The following BDP1 variants were observed in gnomAD, a reference collection of about 807,000 sequenced individuals.
BDP1 encodes BDP1 general transcription factor IIIB subunit.
A neutral mutation model predicts 266.6 loss-of-function variants in BDP1; 169 were observed. The ratio of observed to expected loss-of-function variants is 0.63; its 90% CI spans 0.56 to 0.72. BDP1 has a LOEUF of 0.72. Among genes scored for constraint, BDP1 ranks in the 30% least tolerant of loss-of-function variants. BDP1 has a pLI of 0.00. For missense variants in BDP1, 3,015 were observed against 3,053.8 expected (o/e 0.99, Z 0.30); for synonymous variants, 1,090 against 1,022.4 (o/e 1.07, Z -1.26).
downstream of BDP1, among the ~76,000 whole-genome samples, chr5:71,571,844 A>G (rs1744272060): frequency 6.6e-6 from 1 of 151,924 alleles, no homozygotes; most frequent in Admixed American, 6.6e-5. Context: ...TTGGTCTCGA[A>G]CTCCTGACCT....
rs139297723 is a variant in BDP1 at position 71,555,162 on chromosome 5, C to T, written c.7201-1724C>T. On this transcript the variant is annotated intron_variant, in intron 35 of 38. Coordinates refer to ENST00000358731, the MANE Select transcript of BDP1 (RefSeq NM_018429.3). ...GTTATACATTGAAAGTCCTTTGAGA[C>T]TTAAATTTCCTAGTTAATGTTAATA... 4.7e-4 allele frequency among the ~76,000 whole-genome samples: 72 copies of T among 152,224 alleles called. 1 individual carries two copies. Among genetic ancestry groups the T allele is most frequent in the African/African-American group, 1.7e-3 (69 of 41,536 alleles).
Position 71,478,229 on chromosome 5 carries a change from A to G in BDP1, c.1015-5613A>G, listed in dbSNP as rs539729109. Reference sequence around the variant, plus strand: ...ATGCCATTGGACTCTAGCCTGGGTAACAAGAGCAAAACTCTGTCTCAAAAA... The same window carrying G: ...ATGCCATTGGACTCTAGCCTGGGTAGCAAGAGCAAAACTCTGTCTCAAAAA... On this transcript the variant is annotated intron_variant, in intron 7 of 38. Transcript: ENST00000358731. 9.5e-4 allele frequency among the ~76,000 whole-genome samples: 145 copies of G among 152,314 alleles called. 2 individuals carry two copies. The highest frequency in any genetic ancestry group is 2.9e-3 in the African/African-American group (120 of 41,568).
chr5:71,467,041 A>G (rs1761948133), intron 5 of BDP1, among the ~76,000 whole-genome samples: 1 of 152,186 alleles, frequency 6.6e-6, no homozygotes, highest in Admixed American at 6.5e-5. Flanking sequence ...AGTAATACAT[A>G]TTGAATATCA....
chr5:71,545,504 G>A (rs1220694045), intron 32 of BDP1: 3 of 381,386 alleles, frequency 7.9e-6, no homozygotes, highest in Admixed American at 4.7e-5. Flanking sequence ...GCTAGGTTTT[G>A]TATTTTTAGT....
At position 71,455,735 on chromosome 5, in the gene BDP1, G is replaced by C. The variant is rs1434140563; in HGVS notation, c.-143G>C. On this transcript the variant is annotated 5_prime_UTR_variant, in exon 1 of 39. Coordinates refer to ENST00000358731, the MANE Select transcript of BDP1 (RefSeq NM_018429.3). ...GAGAGGAGGAGGCGGCGGCGGGGCA[G>C]TGAAACTACGGTAGCTGCCCCCTGA... The C allele has an allele frequency of 1.4e-6, 1 of 703,130 alleles. No individual in the cohort carries two copies. The highest frequency in any genetic ancestry group is 1.8e-5 in the African/African-American group (1 of 55,620). 43.6% of individuals were successfully genotyped at this position (703,130 alleles called of 1,614,324 possible). A position where few individuals can be genotyped will look rare whatever the true frequency, so the allele number is the denominator to read the frequency against.
intron 31 of BDP1, 72 bp from the exon 32 acceptor site, chr5:71,544,967 C>T (rs144455732): frequency 1.7e-5 from 21 of 1,213,314 alleles, no homozygotes; most frequent in Middle Eastern, 3.2e-4. Context: ...TGATCTTTTA[C>T]ACACCTAGCT....
At position 71,562,482 on chromosome 5, in the gene BDP1, A is replaced by G. The variant is rs370982043; in HGVS notation, c.7705A>G (p.Thr2569Ala). The G allele has an allele frequency of 1.3e-5, 21 of 1,613,974 alleles. 1 individual carries two copies. The African/African-American group carries it at 2.8e-4, about 22-fold the overall frequency. The change falls in exon 38 of 39, where the codon ACT (threonine) becomes GCT (alanine). Residue 2569 changes from threonine (T) to alanine (A), a missense_variant. Transcript: ENST00000358731. ...SDLLPSPSVI[T>A]TQSENISSSA... The stretch of plus-strand genomic sequence containing the variant: ...TCTGCTTCCATCTCCAAGTGTTATT[A>G]CTACTCAATCTGAGAATATTAGCAG...
intron 7 of BDP1, among the ~76,000 whole-genome samples, chr5:71,474,174 G>T (rs1243957805): frequency 6.6e-5 from 10 of 151,500 alleles, no homozygotes; most frequent in Non-Finnish European, 1.3e-4. Context: ...TAGAGATGGG[G>T]TTTCACCATG....
At chr5:71,482,728 G>T (rs1299219460) in intron 7 of BDP1, among the ~76,000 whole-genome samples, 1 of 152,178 alleles carries the variant, frequency 6.6e-6, no homozygotes, top group Non-Finnish European at 1.5e-5. Context: ...TTAATTTAGT[G>T]TTTATAGCCA....
chr5:71,469,512 T>C (rs1754599379), intron 6 of BDP1, among the ~76,000 whole-genome samples: 1 of 152,204 alleles, frequency 6.6e-6, no homozygotes. Flanking sequence ...AGTGTAACCC[T>C]ATCCTGAGTA....
Position 71,516,075 on chromosome 5 carries a change from A to G in BDP1, c.4664A>G (p.Asn1555Ser). 2 of 1,605,992 alleles carry G rather than the reference A, an allele frequency of 1.2e-6. No homozygotes were observed. The highest frequency in any genetic ancestry group is 1.7e-6 in the Non-Finnish European group (2 of 1,175,776). Residue 1555 changes from asparagine (N) to serine (S), a missense_variant, in exon 21 of 39, where the codon AAC becomes AGC. This residue lies in a region of BDP1 where 2,383 missense variants were observed against 2,404.9 expected (regional missense o/e 0.99). Transcript: ENST00000358731. The stretch of plus-strand genomic sequence containing the variant: ...CCCTTGTTTAGGACTAATAATGTAA[A>G]CACTTTCCAGCAAGAAATGAAGGAA... Reference protein sequence around the residue: ...SVVSVGTNNVNTFQQEMKESV... With the variant: ...SVVSVGTNNVSTFQQEMKESV...
intron 1 of BDP1, among the ~76,000 whole-genome samples, chr5:71,458,107 G>A (rs7448990): frequency 0.46 from 70,595 of 151,988 alleles, 16,660 homozygotes; most frequent in South Asian, 0.55. Context: ...CAGAGGTTTG[G>A]AGTTTTGCAT....
chr5:71,509,445 G>A lies in BDP1; in HGVS notation c.2373-20G>A, dbSNP rs1561725248. 4.1e-6 allele frequency: 6 copies of A among 1,454,874 alleles called. No individual in the cohort carries two copies. The African/African-American group carries it at 8.7e-5, about 21-fold the overall frequency. The allele number at this position is 1,454,874 out of a possible 1,614,324, so 90.1% of individuals were successfully genotyped here. A position where few individuals can be genotyped will look rare whatever the true frequency, so the allele number is the denominator to read the frequency against. On this transcript the variant is annotated intron_variant, in intron 16 of 38. Coordinates refer to ENST00000358731, the MANE Select transcript of BDP1 (RefSeq NM_018429.3). ...AGTCTGGTTTAAAACTTGATTGTGT[G>A]CCCCCTTTTTTTTTTATAGCGTTCA...
At chr5:71,532,755 T>C (rs1292011828) in intron 26 of BDP1, among the ~76,000 whole-genome samples, 1 of 152,238 alleles carries the variant, frequency 6.6e-6, no homozygotes, top group Non-Finnish European at 1.5e-5. Flanking sequence ...AGCGGAGGCT[T>C]GAAATTGTAA....
chr5:71,507,534 A>G (rs187812553), intron 16 of BDP1, among the ~76,000 whole-genome samples: 1 of 152,234 alleles, frequency 6.6e-6, no homozygotes, highest in Non-Finnish European at 1.5e-5. Context: ...CTTTGCTTCA[A>G]GCATTTATAT....
chr5:71,470,322 T>G, intron 6 of BDP1, 73 bp from the exon 7 acceptor site: 1 of 1,133,794 alleles, frequency 8.8e-7, no homozygotes, highest in Middle Eastern at 2.2e-4. Context: ...ACTGTCAAAT[T>G]CTGTAAGATT....
intron 7 of BDP1, among the ~76,000 whole-genome samples, chr5:71,470,706 G>A (rs1762188390): frequency 6.6e-6 from 1 of 151,638 alleles, no homozygotes; most frequent in Non-Finnish European, 1.5e-5. Flanking sequence ...TCATGCCTCA[G>A]CATGTCACAT....
Position 71,455,662 on chromosome 5 carries a change from T to C in BDP1, c.-216T>C. On this transcript the variant is annotated 5_prime_UTR_variant, in exon 1 of 39. Coordinates refer to ENST00000358731, the MANE Select transcript of BDP1 (RefSeq NM_018429.3). ...GGGGATGCTGGGAGGAGGGTGAAAT[T>C]TAGCCATCGGTGTGTGGCAGGGTCA... 1 of 583,632 alleles carries C rather than the reference T, an allele frequency of 1.7e-6. No homozygotes were observed. Among genetic ancestry groups the C allele is most frequent in the Non-Finnish European group, 3.0e-6 (1 of 328,292 alleles). The allele number at this position is 583,632 out of a possible 1,614,324, so 36.2% of individuals were successfully genotyped here.
At chr5:71,526,728 C>T (rs1765912447) in intron 25 of BDP1, among the ~76,000 whole-genome samples, 1 of 146,962 alleles carries the variant, frequency 6.8e-6, no homozygotes, top group African/African-American at 2.5e-5. Context: ...CAGTCTGTCA[C>T]CCAGTCTGGA....
Sources: gnomAD v4.1 joint callset for allele counts (sites outside exome capture counted in the v4.1 genomes callset) on GRCh38, gnomAD v4.1.1 for gene constraint, gnomAD v4.1.1 regional missense constraint, MANE v1.5 for transcripts, NCBI Gene and HGNC (gene_info 2026-07-23, HGNC 2026-07-21) for gene names.